SIRPG: variants seen among roughly 807,000 people sequenced by gnomAD.
SIRPG encodes signal regulatory protein gamma.
In SIRPG, 38 loss-of-function variants were observed where a neutral mutation model predicts 35.7. That is an observed-to-expected ratio of 1.06 (90% confidence interval 0.82 to 1.40). SIRPG has a LOEUF of 1.40. SIRPG is among the 40% of genes most tolerant of loss of function. SIRPG has a pLI of 0.00. For missense variants in SIRPG, 519 were observed against 483.0 expected, an observed-to-expected ratio of 1.07 and a Z score of -0.70; for synonymous variants, 215 against 190.4, an observed-to-expected ratio of 1.13 and a Z score of -1.06.
At chr20:1,649,442 C>T in intron 1 of SIRPG, 34 bp from the exon 2 acceptor site, 6 of 1,548,746 alleles carry the variant, frequency 3.9e-6, no homozygotes, top group Non-Finnish European at 5.3e-6. Context: ...ATTTTTTCAT[C>T]CTTACATAAT....
chr20:1,668,177 T>C, the SIRPG span, among the ~76,000 whole-genome samples: 1 of 90,608 alleles, frequency 1.1e-5, no homozygotes, highest in Admixed American at 1.2e-4. Context: ...TTTCTTTTCT[T>C]TCTTTCTTTC....
At chr20:1,637,217 A>G (rs1331017311) in intron 2 of SIRPG, 2 of 193,862 alleles carry the variant, frequency 1.0e-5, no homozygotes, top group African/African-American at 2.4e-5. Context: ...ACAGTTTTTG[A>G]AAGAAAATGA....
At chr20:1,674,665 CA>C in the SIRPG span, among the ~76,000 whole-genome samples, 1 of 152,196 alleles carries the variant, frequency 6.6e-6, no homozygotes, top group Admixed American at 6.5e-5. Context: ...CCCATCCTCA[CA>C]GAACCCAGAG....
chr20:1,674,835 C>T, the SIRPG span, among the ~76,000 whole-genome samples: 21,634 of 152,172 alleles, frequency 0.14, 2,551 homozygotes, highest in East Asian at 0.58. Flanking sequence ...CCTATCCCCT[C>T]TCCTAAAGGA....
At chr20:1,684,851 T>C in the SIRPG span, among the ~76,000 whole-genome samples, 1 of 147,204 alleles carries the variant, frequency 6.8e-6, no homozygotes, top group Non-Finnish European at 1.5e-5. Flanking sequence ...AGGGATGTTG[T>C]GAGGATTAGT....
the SIRPG span, among the ~76,000 whole-genome samples, chr20:1,681,143 T>A: frequency 3.3e-3 from 490 of 149,784 alleles, 3 homozygotes; most frequent in African/African-American, 0.011. Context: ...TGTAGATGAG[T>A]TGGTGAAGAA....
intron 2 of SIRPG, among the ~76,000 whole-genome samples, chr20:1,645,335 G>A (rs369087751): frequency 6.6e-6 from 1 of 152,182 alleles, no homozygotes; most frequent in African/African-American, 2.4e-5. Context: ...GAGTCATGAA[G>A]AGTTCAGATG....
intron 1 of SIRPG, among the ~76,000 whole-genome samples, chr20:1,650,644 T>A (rs745700984): frequency 6.6e-6 from 1 of 151,470 alleles, no homozygotes; most frequent in Non-Finnish European, 1.5e-5. Flanking sequence ...ATTATTAGAG[T>A]TCCGGGGAAA....
intron 1 of SIRPG, among the ~76,000 whole-genome samples, chr20:1,650,004 G>GTGTATATATATATATATATATATATATA (rs774462534): frequency 3.0e-5 from 3 of 98,816 alleles, no homozygotes; most frequent in African/African-American, 1.2e-4. Context: ...TTTGAAGTGT[G>GTGTATATATATATATATATATATATATA]TATATATATA....
chr20:1,629,958 G>A (rs1444225355), intron 5 of SIRPG, among the ~76,000 whole-genome samples: 1 of 152,074 alleles, frequency 6.6e-6, no homozygotes, highest in South Asian at 2.1e-4. Flanking sequence ...AGCCTGCAAG[G>A]GACCACCCAC....
At chr20:1,645,063 C>T (rs540473263) in intron 2 of SIRPG, among the ~76,000 whole-genome samples, 3 of 152,224 alleles carry the variant, frequency 2.0e-5, no homozygotes, top group Non-Finnish European at 4.4e-5. Context: ...ACTGGGATTT[C>T]AATGCTTTTT....
In SIRPG at chr20:1,635,367, G is replaced by A. The variant is rs376291488; in HGVS notation, c.981C>T (p.Leu327=). 1.7e-5 allele frequency: 28 copies of A among 1,614,086 alleles called. No individual in the cohort carries two copies. Among genetic ancestry groups the A allele is most frequent in the African/African-American group, 2.7e-5 (2 of 74,934 alleles). ...NISDQRDDVV[L]TCQVKHDGQL... ...GCCCATCATGCTTCACCTGGCAGGT[G>A]AGGACCACATCATCCCTTTGGTCAG... The change falls in exon 4 of 6, where the codon CTC becomes CTT. Residue 327 remains leucine, a synonymous_variant. Transcript: ENST00000303415.
intron 4 of SIRPG, among the ~76,000 whole-genome samples, chr20:1,634,916 G>A (rs181026979): frequency 2.0e-3 from 306 of 151,632 alleles, no homozygotes; most frequent in East Asian, 5.7e-3. Flanking sequence ...GGTGGCGGGC[G>A]CCTGTAGTCC....
intron 1 of SIRPG, among the ~76,000 whole-genome samples, chr20:1,654,212 C>T (rs1459792150): frequency 6.7e-6 from 1 of 148,218 alleles, no homozygotes; most frequent in African/African-American, 2.5e-5. Flanking sequence ...GCACTCCAGA[C>T]TGGCGACAGA....
chr20:1,686,212 G>A, the SIRPG span, among the ~76,000 whole-genome samples: 2 of 152,090 alleles, frequency 1.3e-5, no homozygotes, highest in Non-Finnish European at 2.9e-5. Context: ...CTCAGACAAT[G>A]CCCAGTCCTT....
the SIRPG span, among the ~76,000 whole-genome samples, chr20:1,665,107 G>C: frequency 6.6e-6 from 1 of 152,162 alleles, no homozygotes; most frequent in Non-Finnish European, 1.5e-5. Flanking sequence ...CACACTTCCT[G>C]GGGCTGGGAG....
In SIRPG at chr20:1,629,320, G is replaced by A. The variant is rs2091730836; in HGVS notation, c.*319C>T. On this transcript the variant is annotated 3_prime_UTR_variant, in exon 6 of 6. Coordinates refer to ENST00000303415, the MANE Select transcript of SIRPG (RefSeq NM_018556.4). Reference sequence around the variant, plus strand: ...TCTGTGGTTTACGGTCAGTCTCAAGGCGATGGATGGGAGTCCTGGTGTGTT... The same window carrying A: ...TCTGTGGTTTACGGTCAGTCTCAAGACGATGGATGGGAGTCCTGGTGTGTT... 6.6e-6 allele frequency: 1 copy of A among 152,296 alleles called. No individual in the cohort carries two copies. Among genetic ancestry groups the A allele is most frequent in the Non-Finnish European group, 1.5e-5 (1 of 68,148 alleles). The allele number at this position is 152,296 out of a possible 1,614,324, so 9.4% of individuals were successfully genotyped here. A position where few individuals can be genotyped will look rare whatever the true frequency, so the allele number is the denominator to read the frequency against.
intron 2 of SIRPG, among the ~76,000 whole-genome samples, chr20:1,645,146 A>G (rs1246851155): frequency 2.6e-5 from 4 of 151,636 alleles, no homozygotes; most frequent in Non-Finnish European, 5.9e-5. Flanking sequence ...TTATCCGGAA[A>G]CTCTATCTTG....
At chr20:1,676,127 A>G in the SIRPG span, among the ~76,000 whole-genome samples, 17 of 152,168 alleles carry the variant, frequency 1.1e-4, no homozygotes, top group Non-Finnish European at 1.9e-4. Context: ...TCAACTGGGA[A>G]CTTGCGTCTT....
Sources: gnomAD v4.1 joint callset for allele counts (sites outside exome capture counted in the v4.1 genomes callset) on GRCh38, gnomAD v4.1.1 for gene constraint, MANE v1.5 for transcripts, NCBI Gene and HGNC (gene_info 2026-07-23, HGNC 2026-07-21) for gene names.